The following EP400 variants were observed in gnomAD, a reference collection of about 807,000 sequenced individuals.
The protein encoded by EP400 is E1A binding protein p400, also known as E1A-binding protein p400.
EP400 carries 105 observed loss-of-function variants against 354.1 expected under a neutral mutation model. That is an observed-to-expected ratio of 0.30 (90% CI 0.25 to 0.35). The LOEUF is 0.35. Among genes scored for constraint, EP400 ranks in the 10% least tolerant of loss-of-function variants. The probability of loss-of-function intolerance (pLI) is 1.00; values close to 1 mark genes in which losing one functional copy is unlikely to be tolerated. For synonymous variants in EP400, 1,646 were observed against 1,716.9 expected (o/e 0.96, Z 1.02); for missense variants, 3,280 against 4,121.0 (o/e 0.80, Z 5.59).
chr12:131,995,449 A>C (rs1017391914), intron 12 of EP400, among the ~76,000 whole-genome samples: 5 of 151,688 alleles, frequency 3.3e-5, no homozygotes, highest in Non-Finnish European at 5.9e-5. Context: ...GCTTGACTGA[A>C]TGTACCGTTC....
At chr12:132,055,710 G>A (rs1360888987) in intron 45 of EP400, among the ~76,000 whole-genome samples, 2 of 150,334 alleles carry the variant, frequency 1.3e-5, no homozygotes, top group Admixed American at 6.6e-5. Flanking sequence ...AGGGGTGTGT[G>A]TGTGTGTGAA....
rs982893656 is a variant in EP400, at chr12:132,039,506, C to G, written c.6207+1410C>G. Among the ~76,000 whole-genome samples, 18 of 152,262 alleles carry G rather than the reference C, an allele frequency of 1.2e-4. 2 individuals carry two copies. The highest frequency in any genetic ancestry group is 7.8e-4 in the Admixed American group (12 of 15,290). On this transcript the variant is annotated intron_variant, in intron 32 of 52. Transcript: ENST00000389561. ...CCCCAGCCCCAGAGCGTTTCTATTC[C>G]TGAGGGATCCACCCGTGACCCAAAC...
At chr12:131,956,918 C>G (rs1891720978) in intron 1 of EP400, among the ~76,000 whole-genome samples, 1 of 134,588 alleles carries the variant, frequency 7.4e-6, no homozygotes, top group Non-Finnish European at 1.5e-5. Flanking sequence ...TTTGCCCAGG[C>G]TGGAGTGCAG....
At chr12:131,968,335 C>T (rs952737934) in intron 2 of EP400, among the ~76,000 whole-genome samples, 2 of 152,144 alleles carry the variant, frequency 1.3e-5, no homozygotes, top group African/African-American at 2.4e-5. Context: ...CTTGAACAGA[C>T]GATCTATGTA....
At position 131,961,774 on chromosome 12, in the gene EP400, G is replaced by C. The variant is rs774580138; in HGVS notation, c.1155G>C (p.Glu385Asp). ...EMQALKEVFK[E>D]YLIELFFLQH... The stretch of plus-strand genomic sequence containing the variant: ...AGGCTCTGAAGGAGGTCTTCAAGGA[G>C]TATTTGATTGAACTGTTTTTCTTGC... Residue 385 changes from glutamate (E) to aspartate (D), a missense_variant, in exon 2 of 53, where the codon GAG (glutamate) becomes GAC (aspartate). Glu to Asp is a conservative substitution (Grantham distance 45). Transcript: ENST00000389561. 2 of 1,614,138 alleles carry C rather than the reference G, an allele frequency of 1.2e-6. No homozygotes were observed. Among genetic ancestry groups the C allele is most frequent in the Non-Finnish European group, 1.7e-6 (2 of 1,180,050 alleles).
chr12:131,970,633 G>T (rs180890515), intron 2 of EP400, among the ~76,000 whole-genome samples: 1 of 152,344 alleles, frequency 6.6e-6, no homozygotes, highest in African/African-American at 2.4e-5. Flanking sequence ...CCCTGCCATC[G>T]TGCACATTGA....
chr12:131,954,938 G>A (rs1891644197), intron 1 of EP400, among the ~76,000 whole-genome samples: 2 of 152,114 alleles, frequency 1.3e-5, no homozygotes, highest in African/African-American at 2.4e-5. Context: ...TGGGAGGTTT[G>A]CTTGAACCTG....
intron 6 of EP400, 42 bp downstream of exon 6, chr12:131,986,849 T>C: frequency 1.9e-6 from 3 of 1,552,570 alleles, no homozygotes; most frequent in Non-Finnish European, 2.6e-6. Flanking sequence ...CTCCAGTTGG[T>C]GAAGCACATT....
intron 12 of EP400, among the ~76,000 whole-genome samples, chr12:132,003,364 G>A (rs1893481682): frequency 6.6e-6 from 1 of 152,088 alleles, no homozygotes; most frequent in Admixed American, 6.5e-5. Flanking sequence ...TATATGAGAG[G>A]ATGTGTATAG....
chr12:131,984,687 G>A (rs1214120630), intron 5 of EP400, among the ~76,000 whole-genome samples: 1 of 151,884 alleles, frequency 6.6e-6, no homozygotes, highest in Non-Finnish European at 1.5e-5. Context: ...GTGGAAAATG[G>A]TTTTATTTTA....
Position 132,050,635 on chromosome 12 carries a change from C to T in EP400, c.7374C>T (p.His2458=), listed in dbSNP as rs775870953. The T allele has an allele frequency of 1.4e-5, 22 of 1,614,072 alleles. No individual in the cohort carries two copies. The highest frequency in any genetic ancestry group is 1.2e-4 in the South Asian group (11 of 91,092). ...ATCCCTTTCAGAAGAACCCCAAGCA[C>T]GCGTCTGTGTTGGCAGAAAGGTATT... ...GMNPFQKNPK[H]ASVLAESGIN... is the part of the protein sequence containing the mutation. Residue 2458 remains histidine, a synonymous_variant, in exon 41 of 53, where the codon CAC becomes CAT. Coordinates refer to ENST00000389561, the MANE Select transcript of EP400 (RefSeq NM_015409.5). This position sits in a 1 kb window ranked among gnomAD's most constrained non-coding sequence, Gnocchi z 4.8.
chr12:131,953,600 C>T (rs1891593140), intron 1 of EP400, among the ~76,000 whole-genome samples: 1 of 152,130 alleles, frequency 6.6e-6, no homozygotes, highest in East Asian at 1.9e-4. Flanking sequence ...TCAGTTTAGC[C>T]CACTTGGTAT....
intron 10 of EP400, 123 bp downstream of exon 10, chr12:131,991,579 T>TTC: frequency 1.2e-5 from 8 of 685,938 alleles, no homozygotes; most frequent in South Asian, 1.1e-4. Context: ...TTCTTTTCTT[T>TTC]TTTTTTTTTT....
At chr12:131,967,437 C>G (rs1453092794) in intron 2 of EP400, among the ~76,000 whole-genome samples, 1 of 151,260 alleles carries the variant, frequency 6.6e-6, no homozygotes, top group African/African-American at 2.4e-5. Context: ...CCTGTAATCC[C>G]AGCACTTTGG....
chr12:132,032,112 G>A lies in EP400; in HGVS notation c.5914G>A (p.Asp1972Asn), dbSNP rs939718281. ...VMDAKAQEWCDRIGRCKDIHI... is the reference protein window; with the variant it reads ...VMDAKAQEWCNRIGRCKDIHI... ...GGATGCCAAAGCTCAGGAGTGGTGC[G>A]ATAGGATCGGGAGATGCAAAGACAT... The change falls in exon 30 of 53, where the codon GAT (aspartate) becomes AAT (asparagine). Residue 1972 changes from aspartate to asparagine, a missense_variant. Around this residue, in one of 20 missense-constraint regions of EP400, gnomAD observed 459 missense variants for 496.9 expected, o/e 0.92. Transcript: ENST00000389561. 58 of 1,614,128 alleles carry A rather than the reference G, an allele frequency of 3.6e-5. No homozygotes were observed. Among genetic ancestry groups the A allele is most frequent in the South Asian group, 6.6e-5 (6 of 91,078 alleles).
At chr12:132,011,350 A>C in intron 15 of EP400, 148 bp from the exon 16 acceptor site, 1 of 979,532 alleles carries the variant, frequency 1.0e-6, no homozygotes, top group Non-Finnish European at 1.5e-6. Flanking sequence ...AGATGAATGC[A>C]CTTGTTCCCC....
At chr12:131,991,339 G>A (rs969806221) in intron 9 of EP400, 68 bp from the exon 10 acceptor site, 9 of 1,550,226 alleles carry the variant, frequency 5.8e-6, no homozygotes, top group Non-Finnish European at 8.0e-6. Flanking sequence ...GACCCTGCCT[G>A]GAAAGCAGAG....
intron 32 of EP400, among the ~76,000 whole-genome samples, chr12:132,041,961 T>TC (rs1235279229): frequency 1.3e-5 from 2 of 151,040 alleles, no homozygotes; most frequent in African/African-American, 4.9e-5. Context: ...TTTTTCTTTT[T>TC]TTTTTTTTTA....
At chr12:132,005,980 A>G in intron 13 of EP400, 132 bp from the exon 14 acceptor site, 1 of 840,866 alleles carries the variant, frequency 1.2e-6, no homozygotes, top group East Asian at 2.7e-5. Flanking sequence ...TTGGATTACA[A>G]ATAAAAAATT....
Sources: allele counts gnomAD v4.1 joint callset (sites outside exome capture counted in the v4.1 genomes callset), GRCh38; gene constraint gnomAD v4.1.1; regional missense constraint gnomAD v4.1.1; non-coding constraint Gnocchi (gnomAD v3.1); transcripts MANE v1.5; gene names NCBI Gene and HGNC (gene_info 2026-07-23, HGNC 2026-07-21).